The following SPAG16 variants were observed in gnomAD, a reference collection of about 807,000 sequenced individuals.
SPAG16 encodes sperm associated antigen 16.
Under a neutral mutation model 80.4 loss-of-function variants are expected in SPAG16, and 86 were observed. The ratio of observed to expected loss-of-function variants is 1.07; its 90% CI spans 0.90 to 1.28. The LOEUF (loss-of-function observed/expected upper bound fraction) is 1.28, where lower values mean the gene tolerates loss of function less well. SPAG16 is among the 50% of genes most tolerant of loss of function. The pLI, the probability that SPAG16 is intolerant of heterozygous loss-of-function variation, is 0.00. For missense variants in SPAG16, 870 were observed against 765.3 expected (o/e 1.14, Z -1.61); for synonymous variants, 294 against 265.9 (o/e 1.11, Z -1.03).
At chr2:213,806,007 G>A (rs557561608) in intron 10 of SPAG16, among the ~76,000 whole-genome samples, 4 of 151,286 alleles carry the variant, frequency 2.6e-5, no homozygotes, top group African/African-American at 9.7e-5. Context: ...GCTGGAAATC[G>A]CTTTATATGT....
intron 9 of SPAG16, among the ~76,000 whole-genome samples, chr2:213,407,889 G>A (rs1302220374): frequency 8.9e-6 from 1 of 112,084 alleles, no homozygotes; most frequent in Non-Finnish European, 2.1e-5. Context: ...GAGGCAGAGA[G>A]AGAGAGACAG....
chr2:213,595,509 A>G (rs181900673), intron 10 of SPAG16, among the ~76,000 whole-genome samples: 93 of 152,196 alleles, frequency 6.1e-4, no homozygotes, highest in Non-Finnish European at 9.9e-4. Flanking sequence ...ATTCCTTTAA[A>G]CTGTTTTATG....
At chr2:213,916,021 T>C (rs530830479) in intron 11 of SPAG16, among the ~76,000 whole-genome samples, 8 of 152,252 alleles carry the variant, frequency 5.3e-5, no homozygotes, top group Non-Finnish European at 7.3e-5. Flanking sequence ...TAATCCTTTG[T>C]CAGATGGATA....
At chr2:213,868,675 A>G (rs996429786) in intron 11 of SPAG16, among the ~76,000 whole-genome samples, 1 of 152,202 alleles carries the variant, frequency 6.6e-6, no homozygotes, top group African/African-American at 2.4e-5. Context: ...CTCCTCACAT[A>G]TCTCTATAAG....
At chr2:214,073,457 G>A (rs766418775) in intron 13 of SPAG16, among the ~76,000 whole-genome samples, 24 of 151,830 alleles carry the variant, frequency 1.6e-4, no homozygotes, top group Non-Finnish European at 3.2e-4. Context: ...GGATGGTCTC[G>A]ATCTCCTGAG....
intron 10 of SPAG16, among the ~76,000 whole-genome samples, chr2:213,743,173 G>A (rs1387016456): frequency 6.6e-6 from 1 of 152,198 alleles, no homozygotes; most frequent in Non-Finnish European, 1.5e-5. Flanking sequence ...AAAGTGCTGG[G>A]ATTACAGGCG....
At chr2:213,934,985 G>A (rs1426527286) in intron 12 of SPAG16, among the ~76,000 whole-genome samples, 4 of 151,800 alleles carry the variant, frequency 2.6e-5, no homozygotes, top group Admixed American at 2.6e-4. Flanking sequence ...GGCCGATCAC[G>A]AGGTCAGGAG....
At chr2:214,105,171 A>G (rs1382755513) in intron 13 of SPAG16, among the ~76,000 whole-genome samples, 1 of 152,162 alleles carries the variant, frequency 6.6e-6, no homozygotes, top group Non-Finnish European at 1.5e-5. Context: ...GGGCAGAGCC[A>G]TGCGGAGAAT....
intron 9 of SPAG16, among the ~76,000 whole-genome samples, chr2:213,459,229 C>G (rs1306229291): frequency 6.6e-6 from 1 of 152,164 alleles, no homozygotes; most frequent in Non-Finnish European, 1.5e-5. Context: ...TAATGTCCAT[C>G]ATTTCTCCTG....
chr2:213,895,673 G>A (rs1266585251), intron 11 of SPAG16, among the ~76,000 whole-genome samples: 1 of 152,120 alleles, frequency 6.6e-6, no homozygotes, highest in Non-Finnish European at 1.5e-5. Flanking sequence ...TTCTACATAT[G>A]TTCTCACTCA....
chr2:214,188,164 G>A (rs2057540836), intron 15 of SPAG16, among the ~76,000 whole-genome samples: 1 of 152,100 alleles, frequency 6.6e-6, no homozygotes, highest in African/African-American at 2.4e-5. Flanking sequence ...TTGACCATGT[G>A]AGATTCATTT....
chr2:213,502,984 T>C lies in SPAG16; in HGVS notation c.1070+12894T>C, dbSNP rs528185522. Among the ~76,000 whole-genome samples, 9 of 152,316 alleles carry C rather than the reference T, an allele frequency of 5.9e-5. No individual in the cohort carries two copies. In the South Asian group the frequency reaches 1.9e-3, roughly 32 times the overall value. ...ATATGTACAACAGAAGGGTCAAATATAGGTGAGTTTTAAAGACTCTTCTTA... is the reference window on the plus strand; with the variant it reads ...ATATGTACAACAGAAGGGTCAAATACAGGTGAGTTTTAAAGACTCTTCTTA... On this transcript the variant is annotated intron_variant, in intron 10 of 15. Transcript: ENST00000331683.
At chr2:214,319,099 T>C (rs1695896632) in intron 15 of SPAG16, among the ~76,000 whole-genome samples, 1 of 151,980 alleles carries the variant, frequency 6.6e-6, no homozygotes, top group Non-Finnish European at 1.5e-5. Context: ...CTTCTCCTTC[T>C]CCCCACTTAT....
intron 10 of SPAG16, among the ~76,000 whole-genome samples, chr2:213,668,798 G>C (rs1191055004): frequency 6.6e-6 from 1 of 151,930 alleles, no homozygotes; most frequent in Admixed American, 6.6e-5. Context: ...ACAGGTGTGT[G>C]CCACCACGCC....
chr2:213,359,137 C>G (rs1476041980), intron 7 of SPAG16, among the ~76,000 whole-genome samples: 1 of 152,184 alleles, frequency 6.6e-6, no homozygotes, highest in Non-Finnish European at 1.5e-5. Flanking sequence ...CCTGATCCTT[C>G]TTCTAGAAGC....
At chr2:213,598,380 C>G (rs1265721119) in intron 10 of SPAG16, among the ~76,000 whole-genome samples, 1 of 152,086 alleles carries the variant, frequency 6.6e-6, no homozygotes, top group African/African-American at 2.4e-5. Flanking sequence ...TTTTAAGATG[C>G]CTTTTGAGGT....
chr2:213,468,534 GAT>G (rs4055801), intron 9 of SPAG16, among the ~76,000 whole-genome samples: 1,955 of 118,772 alleles, frequency 0.016, 39 homozygotes, highest in East Asian at 0.017. Flanking sequence ...TTTATATATA[GAT>G]ATATATATAT....
chr2:213,630,262 C>A (rs1314286632), intron 10 of SPAG16, among the ~76,000 whole-genome samples: 1 of 151,792 alleles, frequency 6.6e-6, no homozygotes, highest in Non-Finnish European at 1.5e-5. Flanking sequence ...CAGATGCCTG[C>A]AATCCGAGCT....
chr2:214,198,977 A>G (rs1012959228), intron 15 of SPAG16, among the ~76,000 whole-genome samples: 7 of 151,922 alleles, frequency 4.6e-5, no homozygotes, highest in African/African-American at 1.7e-4. Flanking sequence ...TGATTTGTTG[A>G]GTTCCTTGTA....
Sources: gnomAD v4.1 joint callset for allele counts (sites outside exome capture counted in the v4.1 genomes callset) on GRCh38, gnomAD v4.1.1 for gene constraint, MANE v1.5 for transcripts, NCBI Gene and HGNC (gene_info 2026-07-23, HGNC 2026-07-21) for gene names.